SAMTOR: variants seen among roughly 807,000 people sequenced by gnomAD.
SAMTOR encodes S-adenosylmethionine sensor upstream of mTORC1, also known as UPF0532 protein C7orf60.
At chr7:112,834,459 T>C in the SAMTOR span, among the ~76,000 whole-genome samples, 1 of 152,128 alleles carries the variant, frequency 6.6e-6, no homozygotes, top group Non-Finnish European at 1.5e-5. Flanking sequence ...TCCCCCCTTA[T>C]CTGGTGTTTC....
At chr7:112,852,429 T>C in the SAMTOR span, among the ~76,000 whole-genome samples, 4 of 152,092 alleles carry the variant, frequency 2.6e-5, no homozygotes, top group African/African-American at 9.6e-5. Context: ...TGTTTGTCAA[T>C]GTGGCAAACA....
At chr7:112,890,333 C>A in the SAMTOR span, among the ~76,000 whole-genome samples, 1 of 151,958 alleles carries the variant, frequency 6.6e-6, no homozygotes, top group East Asian at 1.9e-4. Flanking sequence ...ACTGGTGCAA[C>A]CCCTAGGAAA....
chr7:112,931,028 GTT>G, the SAMTOR span, among the ~76,000 whole-genome samples: 2 of 152,210 alleles, frequency 1.3e-5, no homozygotes, highest in South Asian at 4.1e-4. Flanking sequence ...GTCAAATGCA[GTT>G]ATTTAGTCTC....
At chr7:112,863,215 GATAACTGGTTAGTT>G in the SAMTOR span, among the ~76,000 whole-genome samples, 4 of 152,176 alleles carry the variant, frequency 2.6e-5, no homozygotes, top group African/African-American at 9.7e-5. Context: ...ATGGTGCCAG[GATAACTGGTTAGTT>G]ATAGTCAGAA....
chr7:112,939,800 C>T, the SAMTOR span: 1 of 1,454,226 alleles, frequency 6.9e-7, no homozygotes, highest in South Asian at 1.2e-5. Flanking sequence ...GCAGACGCTC[C>T]CCAGATGGAG....
the SAMTOR span, among the ~76,000 whole-genome samples, chr7:112,927,867 CAT>C: frequency 6.6e-6 from 1 of 151,974 alleles, no homozygotes; most frequent in Admixed American, 6.6e-5. Context: ...TAATTTTAAA[CAT>C]GAGTGATGCC....
At chr7:112,933,589 G>C in the SAMTOR span, among the ~76,000 whole-genome samples, 1 of 152,214 alleles carries the variant, frequency 6.6e-6, no homozygotes, top group Non-Finnish European at 1.5e-5. Context: ...AGGCACATAT[G>C]AGGAAGGAAT....
At chr7:112,842,039 C>T in the SAMTOR span, among the ~76,000 whole-genome samples, 1 of 151,924 alleles carries the variant, frequency 6.6e-6, no homozygotes, top group Non-Finnish European at 1.5e-5. Flanking sequence ...GTTCTTGCTG[C>T]CTCTGCTGAC....
At chr7:112,872,967 CCACACA>C in the SAMTOR span, among the ~76,000 whole-genome samples, 1 of 150,032 alleles carries the variant, frequency 6.7e-6, no homozygotes, top group African/African-American at 2.4e-5. Context: ...ACCCACACAC[CCACACA>C]CACACACAAA....
chr7:112,901,236 C>T, the SAMTOR span, among the ~76,000 whole-genome samples: 1 of 152,204 alleles, frequency 6.6e-6, no homozygotes, highest in Non-Finnish European at 1.5e-5. Flanking sequence ...GAAGCTTCGT[C>T]TGTATTTACA....
chr7:112,928,847 T>G, the SAMTOR span, among the ~76,000 whole-genome samples: 2,867 of 152,054 alleles, frequency 0.019, 30 homozygotes, highest in Non-Finnish European at 0.025. Context: ...AAAGAAAACC[T>G]TGCAGCTGAC....
the SAMTOR span, among the ~76,000 whole-genome samples, chr7:112,906,464 CACA>C: frequency 6.6e-6 from 1 of 151,826 alleles, no homozygotes; most frequent in Non-Finnish European, 1.5e-5. Flanking sequence ...TAGGAGTAAG[CACA>C]ACAAGAAATG....
chr7:112,897,138 G>C, the SAMTOR span, among the ~76,000 whole-genome samples: 1 of 152,142 alleles, frequency 6.6e-6, no homozygotes, highest in Non-Finnish European at 1.5e-5. Context: ...TAATGACAGA[G>C]AGCAGTTTAG....
the SAMTOR span, among the ~76,000 whole-genome samples, chr7:112,893,703 A>G: frequency 6.6e-6 from 1 of 152,204 alleles, no homozygotes; most frequent in Non-Finnish European, 1.5e-5. Flanking sequence ...AGAGATCCAG[A>G]CCGTCCTGGC....
chr7:112,917,467 C>G, the SAMTOR span, among the ~76,000 whole-genome samples: 1 of 152,082 alleles, frequency 6.6e-6, no homozygotes, highest in Non-Finnish European at 1.5e-5. Flanking sequence ...TCATCACAGA[C>G]CAAAAGTAGA....
chr7:112,895,677 C>T, the SAMTOR span: 1 of 1,583,964 alleles, frequency 6.3e-7, no homozygotes, highest in Admixed American at 1.7e-5. Context: ...AAGTACAGCT[C>T]TTTTTTCATC....
the SAMTOR span, among the ~76,000 whole-genome samples, chr7:112,848,716 T>C: frequency 2.0e-5 from 3 of 152,234 alleles, no homozygotes; most frequent in Non-Finnish European, 2.9e-5. Flanking sequence ...GTATGGACTT[T>C]CCACAGACTC....
chr7:112,879,525 TA>T, the SAMTOR span, among the ~76,000 whole-genome samples: 9 of 152,170 alleles, frequency 5.9e-5, no homozygotes, highest in Non-Finnish European at 1.3e-4. Flanking sequence ...TGATTGTCAT[TA>T]ACTACTAAAT....
At chr7:112,939,119 AGGAAGG>A in the SAMTOR span, 1 of 161,426 alleles carries the variant, frequency 6.2e-6, no homozygotes, top group African/African-American at 2.4e-5. Context: ...ATGAAGTACT[AGGAAGG>A]GGGTCTGATA....
Sources: gnomAD v4.1 joint callset for allele counts (sites outside exome capture counted in the v4.1 genomes callset) on GRCh38, gnomAD v4.1.1 for gene constraint, MANE v1.5 for transcripts, NCBI Gene and HGNC (gene_info 2026-07-23, HGNC 2026-07-21) for gene names.